The following ABTB2 variants were observed in gnomAD, a reference collection of about 807,000 sequenced individuals.
ABTB2 encodes the protein ankyrin repeat and BTB domain containing 2.
ABTB2 carries 56 observed loss-of-function variants against 104.1 expected under a neutral mutation model. The ratio of observed to expected loss-of-function variants is 0.54; its 90% CI spans 0.43 to 0.67. The LOEUF (loss-of-function observed/expected upper bound fraction) is 0.67, where lower values mean the gene tolerates loss of function less well. Ranked by LOEUF, ABTB2 falls within the 30% of genes least tolerant of loss-of-function variation. The pLI, the probability that ABTB2 is intolerant of heterozygous loss-of-function variation, is 0.00. For missense variants in ABTB2, 1,279 were observed against 1,407.7 expected (o/e 0.91, Z 1.46); for synonymous variants, 606 against 608.2 (o/e 1.00, Z 0.05).
chr11:34,209,938 C>T (rs565441150), intron 1 of ABTB2, among the ~76,000 whole-genome samples: 9 of 151,546 alleles, frequency 5.9e-5, no homozygotes, highest in Non-Finnish European at 1.3e-4. Flanking sequence ...CAGCAGCCTG[C>T]TTCTTTCCTA....
At chr11:34,188,912 C>T (rs1256018972) in intron 3 of ABTB2, among the ~76,000 whole-genome samples, 4 of 152,176 alleles carry the variant, frequency 2.6e-5, no homozygotes, top group Non-Finnish European at 5.9e-5. Context: ...TGTGGTACCT[C>T]ACTCGTATCA....
chr11:34,225,316 A>C (rs1853671930), intron 1 of ABTB2, among the ~76,000 whole-genome samples: 1 of 152,166 alleles, frequency 6.6e-6, no homozygotes, highest in Non-Finnish European at 1.5e-5. Context: ...CCTGGGGAGC[A>C]AAGAATTAAA....
intron 1 of ABTB2, among the ~76,000 whole-genome samples, chr11:34,227,466 T>C (rs1394297073): frequency 6.6e-6 from 1 of 152,176 alleles, no homozygotes; most frequent in East Asian, 1.9e-4. Context: ...TTCTTTTATG[T>C]GGCATAATGT....
At chr11:34,336,282 A>G (rs534577242) in intron 1 of ABTB2, among the ~76,000 whole-genome samples, 19 of 152,274 alleles carry the variant, frequency 1.2e-4, no homozygotes, top group African/African-American at 3.6e-4. Context: ...TTTCACATTT[A>G]CAACACCATA....
At chr11:34,299,742 C>G (rs1854676558) in intron 1 of ABTB2, among the ~76,000 whole-genome samples, 1 of 152,244 alleles carries the variant, frequency 6.6e-6, no homozygotes, top group African/African-American at 2.4e-5. Context: ...GTTTGCTCAT[C>G]TGGGGCTCCC....
chr11:34,307,847 C>T (rs1043019470), intron 1 of ABTB2, among the ~76,000 whole-genome samples: 6 of 152,156 alleles, frequency 3.9e-5, no homozygotes, highest in South Asian at 2.1e-4. Context: ...CACAGGCACG[C>T]GCCACCATGC....
intron 3 of ABTB2, among the ~76,000 whole-genome samples, chr11:34,195,035 C>T (rs564472252): frequency 7.3e-6 from 1 of 136,730 alleles, no homozygotes; most frequent in Non-Finnish European, 1.5e-5. Context: ...GCTGGGAACC[C>T]TCCTGGGGGA....
At chr11:34,160,797 A>AG (rs1443087368) in intron 11 of ABTB2, 106 bp downstream of exon 11, 7 of 1,236,014 alleles carry the variant, frequency 5.7e-6, no homozygotes, top group Non-Finnish European at 7.8e-6. Flanking sequence ...GCGTTGGGTG[A>AG]GGGGGTCCCT....
At chr11:34,168,487 G>A (rs540634055) in intron 5 of ABTB2, among the ~76,000 whole-genome samples, 96 of 152,204 alleles carry the variant, frequency 6.3e-4, no homozygotes, top group African/African-American at 2.2e-3. Context: ...CAGCCTCATA[G>A]CCGCCATCCC....
intron 6 of ABTB2, 119 bp from the exon 7 acceptor site, chr11:34,167,479 G>A: frequency 1.2e-6 from 1 of 851,460 alleles, no homozygotes; most frequent in Non-Finnish European, 1.9e-6. Context: ...ATGTTTGCCT[G>A]GAGCACAAAG....
intron 1 of ABTB2, among the ~76,000 whole-genome samples, chr11:34,221,574 CAG>C (rs1355818521): frequency 6.6e-6 from 1 of 152,200 alleles, no homozygotes; most frequent in African/African-American, 2.4e-5. Flanking sequence ...CTACTGAGAA[CAG>C]AGTGGCTCTA....
intron 1 of ABTB2, among the ~76,000 whole-genome samples, chr11:34,290,327 C>T (rs1854553768): frequency 1.3e-5 from 2 of 152,200 alleles, no homozygotes; most frequent in South Asian, 2.1e-4. Context: ...CAGAGAAGGC[C>T]AAAAGTTTCT....
chr11:34,322,135 G>C (rs920690008), intron 1 of ABTB2, among the ~76,000 whole-genome samples: 2 of 152,140 alleles, frequency 1.3e-5, no homozygotes, highest in Non-Finnish European at 2.9e-5. Flanking sequence ...AGAAAGGCAC[G>C]CAAAACCCAT....
Position 34,323,745 on chromosome 11 carries a change from G to A in ABTB2, c.883+32956C>T, listed in dbSNP as rs529288805. Among the ~76,000 whole-genome samples the A allele has an allele frequency of 3.9e-5, 6 of 152,196 alleles. No homozygotes were observed. In the South Asian group the frequency reaches 6.2e-4, roughly 16 times the overall value. ...TGAGAAGAGTGACCTAGTATAGCTTGCACAATCTTTCTCCAGGGCCAAATT... is the reference window on the plus strand; with the variant it reads ...TGAGAAGAGTGACCTAGTATAGCTTACACAATCTTTCTCCAGGGCCAAATT... On this transcript the variant is annotated intron_variant, in intron 1 of 16. Transcript: ENST00000435224.
intron 1 of ABTB2, among the ~76,000 whole-genome samples, chr11:34,288,211 C>CT (rs1854527728): frequency 6.6e-6 from 1 of 152,102 alleles, no homozygotes; most frequent in Admixed American, 6.5e-5. Context: ...AAGTTGAAAG[C>CT]TTTTTTACAG....
At chr11:34,347,346 G>T (rs535663824) in intron 1 of ABTB2, among the ~76,000 whole-genome samples, 171 of 152,320 alleles carry the variant, frequency 1.1e-3, no homozygotes, top group Non-Finnish European at 1.9e-3. Context: ...TGAGGCAGAA[G>T]AATTGCTTGA....
At chr11:34,256,729 A>C (rs1854127679) in intron 1 of ABTB2, among the ~76,000 whole-genome samples, 1 of 152,186 alleles carries the variant, frequency 6.6e-6, no homozygotes, top group Admixed American at 6.5e-5. Flanking sequence ...TCCCAAGTGA[A>C]AAATGGTTCA....
intron 1 of ABTB2, among the ~76,000 whole-genome samples, chr11:34,350,327 C>T (rs1055186162): frequency 6.6e-6 from 1 of 152,220 alleles, no homozygotes; most frequent in Admixed American, 6.5e-5. Context: ...ACTCAAATCC[C>T]TCTTGGTGCC....
chr11:34,279,125 G>A (rs77908046), intron 1 of ABTB2, among the ~76,000 whole-genome samples: 1,890 of 152,274 alleles, frequency 0.012, 18 homozygotes, highest in Middle Eastern at 0.024. Context: ...ACTTCAAAAT[G>A]AAACCCCAGC....
Sources: allele counts gnomAD v4.1 joint callset (sites outside exome capture counted in the v4.1 genomes callset), GRCh38; gene constraint gnomAD v4.1.1; transcripts MANE v1.5; gene names NCBI Gene and HGNC (gene_info 2026-07-23, HGNC 2026-07-21).